Variants in NKAIN1 observed in about 807,000 individuals in gnomAD.
NKAIN1 encodes the protein sodium/potassium-transporting ATPase subunit beta-1-interacting protein 1.
In NKAIN1, 13 loss-of-function variants were observed where a neutral mutation model predicts 31.6. The ratio of observed to expected loss-of-function variants is 0.41; its 90% CI spans 0.27 to 0.65. The LOEUF is 0.65. NKAIN1 is among the 30% of genes least tolerant of loss of function. The probability of loss-of-function intolerance (pLI) is 0.30; values close to 1 mark genes in which losing one functional copy is unlikely to be tolerated. For missense variants in NKAIN1, 193 were observed against 262.2 expected (o/e 0.74, Z 1.82); for synonymous variants, 104 against 109.0 (o/e 0.95, Z 0.28).
intron 1 of NKAIN1, among the ~76,000 whole-genome samples, chr1:31,217,924 C>T (rs1038087332): frequency 6.6e-6 from 1 of 152,142 alleles, no homozygotes; most frequent in African/African-American, 2.4e-5. Context: ...GGACTCCATT[C>T]AGCAAACAAT....
At chr1:31,209,845 G>C (rs990843881) in intron 1 of NKAIN1, among the ~76,000 whole-genome samples, 2 of 151,914 alleles carry the variant, frequency 1.3e-5, no homozygotes. Flanking sequence ...AAGTTAGCCA[G>C]GTGTGGTGGT....
chr1:31,235,692 T>C (rs1645688383), intron 1 of NKAIN1, among the ~76,000 whole-genome samples: 1 of 152,152 alleles, frequency 6.6e-6, no homozygotes, highest in Non-Finnish European at 1.5e-5. Flanking sequence ...CCTGAGTTCC[T>C]GACAAGTACA....
chr1:31,201,323 A>AT (rs1328595084), intron 1 of NKAIN1, among the ~76,000 whole-genome samples: 1 of 151,528 alleles, frequency 6.6e-6, no homozygotes, highest in African/African-American at 2.4e-5. Context: ...ATTGTCTATA[A>AT]ACCTCATGCT....
At chr1:31,226,770 C>T (rs1039025531) in intron 1 of NKAIN1, among the ~76,000 whole-genome samples, 31 of 149,160 alleles carry the variant, frequency 2.1e-4, no homozygotes, top group Admixed American at 1.9e-3. Context: ...GTAATCTGCC[C>T]GCCTCCGTCT....
At chr1:31,197,640 G>A (rs1332472508) in intron 1 of NKAIN1, among the ~76,000 whole-genome samples, 11 of 141,338 alleles carry the variant, frequency 7.8e-5, no homozygotes, top group Admixed American at 3.0e-4. Flanking sequence ...TCTATCTCCC[G>A]GGTTCAAGCG....
At chr1:31,207,164 A>C (rs1205215662) in intron 1 of NKAIN1, among the ~76,000 whole-genome samples, 1 of 152,202 alleles carries the variant, frequency 6.6e-6, no homozygotes, top group Non-Finnish European at 1.5e-5. Context: ...TGTACACCAC[A>C]GAGGTTAAAA....
chr1:31,238,898 A>G (rs139037283), intron 1 of NKAIN1, among the ~76,000 whole-genome samples: 10 of 152,326 alleles, frequency 6.6e-5, no homozygotes, highest in Non-Finnish European at 1.2e-4. Flanking sequence ...GAAGGGAGGC[A>G]GAAACAACAC....
At position 31,239,773 on chromosome 1, in the gene NKAIN1, G is replaced by T. The variant is rs1009925249; in HGVS notation, c.-226C>A. On this transcript the variant is annotated 5_prime_UTR_variant, in exon 1 of 7. Coordinates refer to ENST00000373736, the MANE Select transcript of NKAIN1 (RefSeq NM_024522.3). The surrounding 1 kb of genome is among the most constrained non-coding windows in gnomAD (Gnocchi z 4.8). ...CCGCGCGCTGGCCCCGCCGAGCCGCGCCTCCTTTGTCTAGCGGGCCGTCCG... is the reference window on the plus strand; with the variant it reads ...CCGCGCGCTGGCCCCGCCGAGCCGCTCCTCCTTTGTCTAGCGGGCCGTCCG... Among the ~76,000 whole-genome samples, 3 of 151,632 alleles carry T rather than the reference G, an allele frequency of 2.0e-5. No homozygotes were observed. Among genetic ancestry groups the T allele is most frequent in the Admixed American group, 6.6e-5 (1 of 15,240 alleles).
intron 1 of NKAIN1, among the ~76,000 whole-genome samples, chr1:31,229,860 A>T (rs558454329): frequency 2.6e-5 from 4 of 152,258 alleles, no homozygotes; most frequent in Non-Finnish European, 5.9e-5. Flanking sequence ...GTCCTTTGAG[A>T]TGATGAGTCC....
At chr1:31,209,881 G>A (rs1436908886) in intron 1 of NKAIN1, among the ~76,000 whole-genome samples, 1 of 151,824 alleles carries the variant, frequency 6.6e-6, no homozygotes, top group Non-Finnish European at 1.5e-5. Context: ...TAGCTACTCA[G>A]GATGCTGAGG....
intron 3 of NKAIN1, among the ~76,000 whole-genome samples, 167 bp from the exon 4 acceptor site, chr1:31,184,181 CTT>C (rs1557648625): frequency 6.6e-6 from 1 of 152,284 alleles, no homozygotes; most frequent in East Asian, 1.9e-4. Context: ...AGGCCTCACT[CTT>C]TTGTCACTGA....
At chr1:31,231,090 G>A (rs1302905751) in intron 1 of NKAIN1, among the ~76,000 whole-genome samples, 1 of 151,700 alleles carries the variant, frequency 6.6e-6, no homozygotes, top group Non-Finnish European at 1.5e-5. Context: ...CACCACGTTG[G>A]CCAGGCTGGT....
chr1:31,190,039 GT>G (rs1645273543), intron 1 of NKAIN1, among the ~76,000 whole-genome samples: 1 of 152,124 alleles, frequency 6.6e-6, no homozygotes, highest in Non-Finnish European at 1.5e-5. Context: ...CTCCCTCCTT[GT>G]CCTGCTGATT....
intron 1 of NKAIN1, among the ~76,000 whole-genome samples, chr1:31,190,573 G>A (rs1388994926): frequency 1.3e-5 from 2 of 152,164 alleles, no homozygotes; most frequent in Non-Finnish European, 2.9e-5. Flanking sequence ...GTCAAGAGGT[G>A]TAAATTGTGG....
intron 1 of NKAIN1, among the ~76,000 whole-genome samples, chr1:31,238,940 C>G (rs1223144188): frequency 6.6e-6 from 1 of 152,120 alleles, no homozygotes; most frequent in African/African-American, 2.4e-5. Flanking sequence ...AGTCTAAGAT[C>G]CCAGAACACA....
rs549935919 is a variant in NKAIN1, at chr1:31,193,312, C to T, written c.55-5125G>A. On this transcript the variant is annotated intron_variant, in intron 1 of 6. Coordinates refer to ENST00000373736, the MANE Select transcript of NKAIN1 (RefSeq NM_024522.3). Reference sequence around the variant, plus strand: ...CTCCATCTCCTGACTTTGTGATCCACCCGCCTCAGCCTCCCAAAGTGCTGG... The same window carrying T: ...CTCCATCTCCTGACTTTGTGATCCATCCGCCTCAGCCTCCCAAAGTGCTGG... Among the ~76,000 whole-genome samples the T allele has an allele frequency of 2.6e-5, 4 of 151,936 alleles. No homozygotes were observed. In the South Asian group the frequency reaches 6.2e-4, roughly 24 times the overall value.
At position 31,235,773 on chromosome 1, in the gene NKAIN1, G is replaced by A. The variant is rs1645688794; in HGVS notation, c.54+3721C>T. ...ACAGATGGAAAAACCAAAGCCTAGA[G>A]TGTGGAAGAGACTTGCCCCAAATTG... On this transcript the variant is annotated intron_variant, in intron 1 of 6. Coordinates refer to ENST00000373736, the MANE Select transcript of NKAIN1 (RefSeq NM_024522.3). Among the ~76,000 whole-genome samples the A allele has an allele frequency of 2.6e-5, 4 of 152,292 alleles. No individual in the cohort carries two copies. The South Asian group carries it at 8.3e-4, about 32-fold the overall frequency.
intron 1 of NKAIN1, among the ~76,000 whole-genome samples, chr1:31,195,749 C>T (rs1041485455): frequency 1.9e-4 from 29 of 151,666 alleles, no homozygotes; most frequent in Admixed American, 1.8e-3. Context: ...TGGCATAAAG[C>T]CCCACCTCTA....
intron 1 of NKAIN1, among the ~76,000 whole-genome samples, chr1:31,218,075 T>TCTCTCTCTCTCTCTC: frequency 6.7e-6 from 1 of 148,342 alleles, no homozygotes; most frequent in African/African-American, 2.6e-5. Context: ...TTTCTTTTTT[T>TCTCTCTCTCTCTCTC]TTTTTGAGAT....
Sources: gnomAD v4.1 joint callset for allele counts (sites outside exome capture counted in the v4.1 genomes callset) on GRCh38, gnomAD v4.1.1 for gene constraint, Gnocchi (gnomAD v3.1) non-coding constraint, MANE v1.5 for transcripts, NCBI Gene and HGNC (gene_info 2026-07-23, HGNC 2026-07-21) for gene names.